Variants in TUT4 observed in about 807,000 individuals in gnomAD.
The protein encoded by TUT4 is terminal uridylyltransferase 4.
In TUT4, 36 loss-of-function variants were observed where a neutral mutation model predicts 192.2. That is an observed-to-expected ratio of 0.19 (90% CI 0.14 to 0.25). TUT4 has a LOEUF of 0.25. Ranked by LOEUF, TUT4 falls within the 10% of genes least tolerant of loss-of-function variation. The probability of loss-of-function intolerance (pLI) is 1.00; values close to 1 mark genes in which losing one functional copy is unlikely to be tolerated. For synonymous variants in TUT4, 618 were observed against 666.0 expected (o/e 0.93, Z 1.11); for missense variants, 1,493 against 1,957.2 (o/e 0.76, Z 4.47).
At chr1:52,531,759 C>T (rs1339819776) in intron 1 of TUT4, among the ~76,000 whole-genome samples, 9 of 152,074 alleles carry the variant, frequency 5.9e-5, no homozygotes, top group Non-Finnish European at 1.2e-4. Context: ...CCCTCTTACC[C>T]AGGGTGGGCT....
At chr1:52,510,128 A>G (rs955169946) in intron 3 of TUT4, among the ~76,000 whole-genome samples, 5 of 152,038 alleles carry the variant, frequency 3.3e-5, no homozygotes, top group African/African-American at 1.2e-4. Flanking sequence ...ACTGGACAAC[A>G]TGGAGAAACC....
intron 1 of TUT4, among the ~76,000 whole-genome samples, 165 bp from the exon 2 acceptor site, chr1:52,526,538 C>CAG (rs1453311994): frequency 2.0e-5 from 3 of 148,630 alleles, no homozygotes; most frequent in African/African-American, 4.9e-5. Flanking sequence ...GAAGGAGTTA[C>CAG]AGTGCACTAG....
At chr1:52,434,657 G>C (rs1653194145) in intron 27 of TUT4, 1 of 152,144 alleles carries the variant, frequency 6.6e-6, no homozygotes, top group Admixed American at 6.6e-5. Flanking sequence ...GACCAATATG[G>C]TGAAACCCAG....
chr1:52,493,517 AGTTTT>A (rs1671701410), intron 7 of TUT4, 89 bp downstream of exon 7: 1 of 815,432 alleles, frequency 1.2e-6, no homozygotes, highest in Non-Finnish European at 1.9e-6. Context: ...CCAGCAGTTT[AGTTTT>A]AACTTGGTTA....
At chr1:52,474,451 A>AT (rs1329696572) in intron 13 of TUT4, among the ~76,000 whole-genome samples, 2 of 152,058 alleles carry the variant, frequency 1.3e-5, no homozygotes, top group African/African-American at 4.8e-5. Flanking sequence ...CAAACCTTTT[A>AT]TTTTGGGGGG....
chr1:52,492,320 TA>T (rs1671363482), intron 7 of TUT4, among the ~76,000 whole-genome samples: 1 of 152,132 alleles, frequency 6.6e-6, no homozygotes. Context: ...GAATTCATAT[TA>T]AAGCCAATGA....
intron 20 of TUT4, among the ~76,000 whole-genome samples, chr1:52,450,069 G>C (rs553035161): frequency 2.0e-5 from 3 of 152,200 alleles, no homozygotes; most frequent in South Asian, 2.1e-4. Flanking sequence ...TGCTAGGGTA[G>C]AGCAAAAATC....
chr1:52,431,567 A>T, intron 27 of TUT4, 107 bp from the exon 28 acceptor site: 2 of 868,338 alleles, frequency 2.3e-6, no homozygotes, highest in Non-Finnish European at 3.2e-6. Context: ...GAACTCTATG[A>T]TGTATATCAT....
chr1:52,436,378 C>T (rs546943196), intron 26 of TUT4, among the ~76,000 whole-genome samples: 102 of 151,928 alleles, frequency 6.7e-4, no homozygotes, highest in African/African-American at 2.3e-3. Flanking sequence ...CCCAGCTACT[C>T]AGGAGGCTGA....
intron 22 of TUT4, 84 bp downstream of exon 22, chr1:52,446,181 A>G: frequency 2.1e-6 from 3 of 1,428,868 alleles, no homozygotes; most frequent in Non-Finnish European, 1.9e-6. Flanking sequence ...AGAATCTTCC[A>G]AATCCTAATG....
chr1:52,544,194 A>T (rs1687463765), intron 1 of TUT4, among the ~76,000 whole-genome samples: 1 of 151,116 alleles, frequency 6.6e-6, no homozygotes, highest in South Asian at 2.2e-4. Context: ...AGGCTGAGGC[A>T]GGAGAATGGC....
At chr1:52,435,530 A>C in intron 26 of TUT4, 65 bp from the exon 27 acceptor site, 1 of 1,220,852 alleles carries the variant, frequency 8.2e-7, no homozygotes, top group Non-Finnish European at 1.2e-6. Flanking sequence ...GACAATAAAT[A>C]AACTCCCTTC....
intron 1 of TUT4, among the ~76,000 whole-genome samples, chr1:52,532,744 A>G (rs975434637): frequency 1.3e-5 from 2 of 152,202 alleles, no homozygotes; most frequent in Non-Finnish European, 2.9e-5. Context: ...GATGATTTTA[A>G]TAAGATATGC....
intron 1 of TUT4, among the ~76,000 whole-genome samples, chr1:52,539,535 A>G (rs1685918411): frequency 6.6e-6 from 1 of 152,210 alleles, no homozygotes; most frequent in African/African-American, 2.4e-5. Flanking sequence ...TTCAAGACAC[A>G]TTAACAATGC....
At chr1:52,515,387 G>A (rs1215625326) in intron 3 of TUT4, 1 of 160,630 alleles carries the variant, frequency 6.2e-6, no homozygotes, top group Non-Finnish European at 1.4e-5. Flanking sequence ...CTAAATCAGA[G>A]GTCAGCAAGT....
intron 20 of TUT4, among the ~76,000 whole-genome samples, chr1:52,456,488 TA>T (rs540016246): frequency 0.046 from 4,526 of 98,200 alleles, 290 homozygotes; most frequent in African/African-American, 0.16. Context: ...ATTTAAAAAT[TA>T]AAAAAAAAAA....
intron 19 of TUT4, 28 bp from the exon 20 acceptor site, chr1:52,458,477 A>T: frequency 6.5e-7 from 1 of 1,540,552 alleles, no homozygotes; most frequent in Non-Finnish European, 9.0e-7. Flanking sequence ...TGAAAACAAA[A>T]CTTCAGAGTC....
chr1:52,472,279 T>C (rs926541542), intron 13 of TUT4, among the ~76,000 whole-genome samples, 177 bp from the exon 14 acceptor site: 6 of 152,074 alleles, frequency 3.9e-5, no homozygotes, highest in Admixed American at 6.6e-5. Flanking sequence ...AAAAAGTTTT[T>C]TGAGTCAACC....
At chr1:52,469,891 CAAAAAAAAAAA>C (rs773732659) in intron 14 of TUT4, among the ~76,000 whole-genome samples, 2 of 69,162 alleles carry the variant, frequency 2.9e-5, no homozygotes, top group African/African-American at 1.0e-4. Flanking sequence ...ACTCAGTCTC[CAAAAAAAAAAA>C]AAAAAAAAGA....
Sources: gnomAD v4.1 joint callset for allele counts (sites outside exome capture counted in the v4.1 genomes callset) on GRCh38, gnomAD v4.1.1 for gene constraint, MANE v1.5 for transcripts, NCBI Gene and HGNC (gene_info 2026-07-23, HGNC 2026-07-21) for gene names.